MMS22L: variants seen among roughly 807,000 people sequenced by gnomAD.
MMS22L encodes the protein protein MMS22-like.
A neutral mutation model predicts 159.1 loss-of-function variants in MMS22L; 74 were observed. That is an observed-to-expected ratio of 0.47 (90% CI 0.39 to 0.56). MMS22L has a LOEUF of 0.56. Ranked by LOEUF, MMS22L falls within the 20% of genes least tolerant of loss-of-function variation. The pLI is 0.00. For missense variants in MMS22L, 1,351 were observed against 1,422.1 expected (o/e 0.95, Z 0.80); for synonymous variants, 517 against 506.9 (o/e 1.02, Z -0.27).
chr6:97,208,507 A>G (rs569386861), intron 14 of MMS22L, among the ~76,000 whole-genome samples: 22 of 152,234 alleles, frequency 1.4e-4, no homozygotes, highest in African/African-American at 5.1e-4. Context: ...AAATATGAAC[A>G]GGGCAAACAA....
intron 22 of MMS22L, among the ~76,000 whole-genome samples, chr6:97,157,200 A>C (rs536141124): frequency 6.6e-6 from 1 of 152,286 alleles, no homozygotes; most frequent in African/African-American, 2.4e-5. Context: ...GTGGCTTATC[A>C]GCTTAAGGAG....
At chr6:97,199,083 C>T (rs1249316643) in intron 14 of MMS22L, among the ~76,000 whole-genome samples, 1 of 152,152 alleles carries the variant, frequency 6.6e-6, no homozygotes, top group Admixed American at 6.5e-5. Flanking sequence ...AGTACATAGT[C>T]ACTGCTACCC....
At chr6:97,219,548 A>G (rs1809399502) in intron 14 of MMS22L, among the ~76,000 whole-genome samples, 1 of 152,224 alleles carries the variant, frequency 6.6e-6, no homozygotes, top group South Asian at 2.1e-4. Context: ...ACCCTACTGG[A>G]CAGCAGAAAT....
intron 22 of MMS22L, among the ~76,000 whole-genome samples, chr6:97,159,572 A>G (rs983175185): frequency 1.3e-5 from 2 of 152,050 alleles, no homozygotes; most frequent in African/African-American, 2.4e-5. Context: ...AAGAGAGAAC[A>G]GCAAATACAT....
chr6:97,274,167 A>T (rs1816030076), intron 4 of MMS22L, among the ~76,000 whole-genome samples: 1 of 152,206 alleles, frequency 6.6e-6, no homozygotes, highest in African/African-American at 2.4e-5. Flanking sequence ...AAGCAAAGAA[A>T]ACATGATGAG....
Position 97,168,082 on chromosome 6 carries a change from A to G in MMS22L, c.2998T>C (p.Leu1000=). 6.2e-7 allele frequency: 1 copy of G among 1,608,992 alleles called. No homozygotes were observed. The highest frequency in any genetic ancestry group is 8.5e-7 in the Non-Finnish European group (1 of 1,178,102). Residue 1000 remains leucine, a synonymous_variant, in exon 20 of 25, where the codon TTG becomes CTG. Transcript: ENST00000683635. ...MLSAIQKSLP[L]YLQGMCIVCC... ...CACAGATACTATACCTGGAGATACA[A>G]AGGAAGACTTTTCTGAATTGCTGAC...
chr6:97,196,633 AC>A (rs1806546821), intron 14 of MMS22L, among the ~76,000 whole-genome samples: 1 of 152,092 alleles, frequency 6.6e-6, no homozygotes, highest in Non-Finnish European at 1.5e-5. Context: ...TATATACCCA[AC>A]ATATATATTC....
intron 9 of MMS22L, among the ~76,000 whole-genome samples, chr6:97,255,637 C>G (rs143775447): frequency 8.2e-4 from 124 of 152,118 alleles, no homozygotes; most frequent in African/African-American, 3.0e-3. Context: ...CTAATTATAA[C>G]TTTTAGCTGT....
chr6:97,181,409 T>C (rs915353990), intron 16 of MMS22L, among the ~76,000 whole-genome samples: 32 of 152,150 alleles, frequency 2.1e-4, no homozygotes, highest in Admixed American at 9.2e-4. Flanking sequence ...GAAATACTTA[T>C]AGATAAGGAA....
intron 14 of MMS22L, among the ~76,000 whole-genome samples, chr6:97,228,037 T>A (rs1305660965): frequency 2.0e-5 from 3 of 152,168 alleles, no homozygotes; most frequent in Non-Finnish European, 4.4e-5. Context: ...TTCAAAGCAT[T>A]TGATGCAGCT....
intron 24 of MMS22L, among the ~76,000 whole-genome samples, chr6:97,148,134 G>C (rs1026818934): frequency 6.6e-6 from 1 of 152,152 alleles, no homozygotes; most frequent in Non-Finnish European, 1.5e-5. Flanking sequence ...TGTAGCCATT[G>C]TAATGTCTTA....
intron 14 of MMS22L, among the ~76,000 whole-genome samples, chr6:97,214,725 A>G (rs1055771301): frequency 6.7e-6 from 1 of 150,104 alleles, no homozygotes; most frequent in African/African-American, 2.4e-5. Context: ...TATAGGAGAA[A>G]CATTTTTCTT....
rs1221904849 is a variant in MMS22L at position 97,162,131 on chromosome 6, G to A, written c.3256C>T (p.Pro1086Ser). The A allele has an allele frequency of 1.2e-6, 2 of 1,610,136 alleles. No homozygotes were observed. The highest frequency in any genetic ancestry group is 4.5e-5 in the East Asian group (2 of 44,796). The change falls in exon 22 of 25, where the codon CCT becomes TCT. Residue 1086 changes from proline (P) to serine (S), a missense_variant. Coordinates refer to ENST00000683635, the MANE Select transcript of MMS22L (RefSeq NM_001350599.2). ...SYLEYKGSSPPPRLASILAFI... is the reference protein window; with the variant it reads ...SYLEYKGSSPSPRLASILAFI... ...GCCAGAATGGATGCTAAGCGAGGAG[G>A]AGGTGAGGACCCCTTATACTCAAGG...
intron 11 of MMS22L, among the ~76,000 whole-genome samples, chr6:97,237,727 A>C (rs557268751): frequency 4.6e-5 from 7 of 152,042 alleles, no homozygotes; most frequent in Non-Finnish European, 8.8e-5. Context: ...TAGCTTCTCT[A>C]ATAAACAATT....
chr6:97,161,619 C>CA (rs1362640184), intron 22 of MMS22L, among the ~76,000 whole-genome samples: 1 of 151,934 alleles, frequency 6.6e-6, no homozygotes, highest in Non-Finnish European at 1.5e-5. Context: ...TTAGATATTC[C>CA]AGCAAAAACC....
At chr6:97,155,642 C>T (rs147640670) in intron 22 of MMS22L, among the ~76,000 whole-genome samples, 2,369 of 152,270 alleles carry the variant, frequency 0.016, 62 homozygotes, top group African/African-American at 0.054. Context: ...AGGACATGAA[C>T]TCATCCTTTT....
At chr6:97,269,565 C>CTATA (rs1338154278) in intron 7 of MMS22L, among the ~76,000 whole-genome samples, 1 of 152,036 alleles carries the variant, frequency 6.6e-6, no homozygotes, top group Non-Finnish European at 1.5e-5. Context: ...TAAAGTAGAA[C>CTATA]TATAGGTACT....
chr6:97,198,582 G>A (rs568061242), intron 14 of MMS22L, among the ~76,000 whole-genome samples: 1 of 152,124 alleles, frequency 6.6e-6, no homozygotes, highest in African/African-American at 2.4e-5. Context: ...TGAAAAAGAT[G>A]CAGACCTGAC....
At chr6:97,174,070 T>C (rs1461805449) in intron 18 of MMS22L, among the ~76,000 whole-genome samples, 1 of 151,730 alleles carries the variant, frequency 6.6e-6, no homozygotes, top group Non-Finnish European at 1.5e-5. Flanking sequence ...CTGGCCAACA[T>C]GGTGAAACCC....
Sources: allele counts gnomAD v4.1 joint callset (sites outside exome capture counted in the v4.1 genomes callset), GRCh38; gene constraint gnomAD v4.1.1; transcripts MANE v1.5; gene names NCBI Gene and HGNC (gene_info 2026-07-23, HGNC 2026-07-21).